The following BACH2 variants were observed in gnomAD, a reference collection of about 807,000 sequenced individuals.
BACH2 encodes transcription regulator protein BACH2.
Under a neutral mutation model 61.8 loss-of-function variants are expected in BACH2, and 5 were observed. That is an observed-to-expected ratio of 0.08 (90% CI 0.04 to 0.17). The LOEUF (loss-of-function observed/expected upper bound fraction) is 0.17, where lower values mean the gene tolerates loss of function less well. Among genes scored for constraint, BACH2 ranks in the 10% least tolerant of loss-of-function variants. The probability of loss-of-function intolerance (pLI) is 1.00; values close to 1 mark genes in which losing one functional copy is unlikely to be tolerated. For synonymous variants in BACH2, 446 were observed against 440.1 expected (o/e 1.01, Z -0.17); for missense variants, 824 against 1,091.1 (o/e 0.76, Z 3.45).
chr6:90,020,962 T>G (rs1209983585), intron 5 of BACH2, among the ~76,000 whole-genome samples: 3 of 152,144 alleles, frequency 2.0e-5, no homozygotes, highest in Non-Finnish European at 4.4e-5. Flanking sequence ...GAAATCAGAT[T>G]GTAAGGAAGC....
At chr6:90,180,860 T>TACACACACAC (rs111933173) in intron 4 of BACH2, among the ~76,000 whole-genome samples, 141 of 147,272 alleles carry the variant, frequency 9.6e-4, no homozygotes, top group South Asian at 3.9e-3. Context: ...TTATGTGTAT[T>TACACACACAC]ACACACACAC....
chr6:90,113,856 G>C (rs1341433467), intron 4 of BACH2, among the ~76,000 whole-genome samples: 2 of 151,938 alleles, frequency 1.3e-5, no homozygotes, highest in Non-Finnish European at 2.9e-5. Context: ...TGACCACACA[G>C]AAATAAAACA....
At chr6:89,982,438 C>T (rs12524407) in intron 6 of BACH2, among the ~76,000 whole-genome samples, 13,762 of 152,090 alleles carry the variant, frequency 0.09, 682 homozygotes, top group African/African-American at 0.12. Context: ...TAGAAAAAGG[C>T]TGTGGCATCA....
chr6:90,148,295 G>A (rs967545588), intron 4 of BACH2, among the ~76,000 whole-genome samples: 1 of 152,194 alleles, frequency 6.6e-6, no homozygotes, highest in Admixed American at 6.5e-5. Flanking sequence ...AAACCAGGTG[G>A]TCAAAGCCTC....
intron 2 of BACH2, among the ~76,000 whole-genome samples, chr6:90,262,425 CTGTTG>C (rs949452409): frequency 3.9e-5 from 6 of 152,292 alleles, no homozygotes; most frequent in African/African-American, 1.4e-4. Context: ...ATTCAAGTGG[CTGTTG>C]TGTTGTTAGT....
chr6:90,274,544 A>C (rs2127883062), intron 1 of BACH2, among the ~76,000 whole-genome samples: 1 of 152,302 alleles, frequency 6.6e-6, no homozygotes, highest in Admixed American at 6.5e-5. Flanking sequence ...AAGCTGGCGG[A>C]AGTGGGTGCT....
chr6:90,027,476 A>AT (rs201827087), intron 5 of BACH2, among the ~76,000 whole-genome samples: 6 of 151,690 alleles, frequency 4.0e-5, no homozygotes, highest in South Asian at 2.1e-4. Flanking sequence ...TAAGGAAGAG[A>AT]TTTTTTTTTA....
chr6:89,958,276 C>T (rs1258113282), intron 6 of BACH2, among the ~76,000 whole-genome samples: 1 of 152,168 alleles, frequency 6.6e-6, no homozygotes, highest in Non-Finnish European at 1.5e-5. Context: ...CCACTGTGTC[C>T]ATCCATACTC....
intron 4 of BACH2, among the ~76,000 whole-genome samples, chr6:90,153,682 C>T (rs1170652023): frequency 2.0e-5 from 3 of 152,130 alleles, no homozygotes; most frequent in Admixed American, 6.5e-5. Context: ...TCTCTCCATG[C>T]TAATATTCTT....
intron 3 of BACH2, among the ~76,000 whole-genome samples, chr6:90,232,001 G>GAC (rs922913939): frequency 2.0e-4 from 31 of 151,908 alleles, no homozygotes; most frequent in Non-Finnish European, 3.7e-4. Context: ...GAGAGAGAGA[G>GAC]AGAGAGAGAG....
intron 3 of BACH2, among the ~76,000 whole-genome samples, chr6:90,230,461 T>C (rs1033082696): frequency 6.6e-6 from 1 of 152,202 alleles, no homozygotes; most frequent in African/African-American, 2.4e-5. Flanking sequence ...TCAGTAAATA[T>C]AAGCTGAGCT....
At chr6:89,979,947 A>ACTGAATATG (rs1775860411) in intron 6 of BACH2, among the ~76,000 whole-genome samples, 2 of 152,244 alleles carry the variant, frequency 1.3e-5, no homozygotes, top group South Asian at 4.1e-4. Context: ...CAAGTAGTGC[A>ACTGAATATG]AATATGAACT....
chr6:90,029,305 T>C (rs576881652), intron 5 of BACH2, among the ~76,000 whole-genome samples: 1 of 152,262 alleles, frequency 6.6e-6, no homozygotes, highest in African/African-American at 2.4e-5. Flanking sequence ...TTTAAGTCCT[T>C]AGAGTCTCCT....
chr6:89,999,762 T>TAA (rs1777036393), intron 6 of BACH2, among the ~76,000 whole-genome samples: 1 of 152,148 alleles, frequency 6.6e-6, no homozygotes, highest in African/African-American at 2.4e-5. Flanking sequence ...CAGAGGAGTT[T>TAA]AAAAATGAAT....
At chr6:90,217,809 T>C (rs1769590270) in intron 3 of BACH2, among the ~76,000 whole-genome samples, 1 of 152,128 alleles carries the variant, frequency 6.6e-6, no homozygotes, top group Non-Finnish European at 1.5e-5. Context: ...TTCACTAACA[T>C]TAATACTGTT....
Position 90,267,142 on chromosome 6 carries a change from T to C in BACH2, c.-353+4707A>G, listed in dbSNP as rs192493367. ...CCAAAAAACCCTCAACACTGTATCT[T>C]TGTTCTTTTCCCATGTCCTCTACCC... On this transcript the variant is annotated intron_variant, in intron 2 of 8. Transcript: ENST00000257749. Among the ~76,000 whole-genome samples, 173 of 152,264 alleles carry C rather than the reference T, an allele frequency of 1.1e-3. 1 individual carries two copies. In the South Asian group the frequency reaches 0.013, roughly 12 times the overall value.
chr6:90,033,201 C>T (rs1367795343), intron 5 of BACH2, among the ~76,000 whole-genome samples: 1 of 151,026 alleles, frequency 6.6e-6, no homozygotes, highest in Non-Finnish European at 1.5e-5. Context: ...ACACTGGGGC[C>T]TGTTTTGGGG....
chr6:90,235,299 A>C (rs879389186), intron 3 of BACH2, among the ~76,000 whole-genome samples: 5 of 152,234 alleles, frequency 3.3e-5, no homozygotes, highest in Non-Finnish European at 7.3e-5. Context: ...TAGAACAGAG[A>C]TAAATCACTT....
intron 5 of BACH2, among the ~76,000 whole-genome samples, chr6:90,017,098 A>G (rs1022660593): frequency 1.3e-5 from 2 of 152,076 alleles, no homozygotes; most frequent in African/African-American, 4.8e-5. Flanking sequence ...TTTTTGCCAC[A>G]ATTTTTTTGT....
Sources: gnomAD v4.1 joint callset for allele counts (sites outside exome capture counted in the v4.1 genomes callset) on GRCh38, gnomAD v4.1.1 for gene constraint, MANE v1.5 for transcripts, NCBI Gene and HGNC (gene_info 2026-07-23, HGNC 2026-07-21) for gene names.